Variants in HAUS2 observed in about 807,000 individuals in gnomAD.
HAUS2 encodes the protein HAUS augmin like complex subunit 2.
HAUS2 carries 20 observed loss-of-function variants against 21.6 expected under a neutral mutation model. That is an observed-to-expected ratio of 0.93 (90% CI 0.65 to 1.35). The LOEUF is 1.35. HAUS2 is among the 40% of genes most tolerant of loss of function. The pLI is 0.00. For synonymous variants in HAUS2, 113 were observed against 95.6 expected, an observed-to-expected ratio of 1.18 and a Z score of -1.06; for missense variants, 297 against 280.7, an observed-to-expected ratio of 1.06 and a Z score of -0.42.
At chr15:42,550,768 A>G (rs1408153886) in intron 1 of HAUS2, among the ~76,000 whole-genome samples, 1 of 151,840 alleles carries the variant, frequency 6.6e-6, no homozygotes, top group Non-Finnish European at 1.5e-5. Flanking sequence ...TCCTGGGTTC[A>G]TGCCATTCTC....
At chr15:42,565,751 A>G (rs2057899245) in intron 5 of HAUS2, among the ~76,000 whole-genome samples, 1 of 152,212 alleles carries the variant, frequency 6.6e-6, no homozygotes, top group Admixed American at 6.5e-5. Context: ...ATTCAGATAA[A>G]AGATTTAAAG....
rs995103298 is a variant in HAUS2 at position 42,556,359 on chromosome 15, G to A, written c.94-1839G>A. 1.2e-4 allele frequency among the ~76,000 whole-genome samples: 17 copies of A among 139,230 alleles called. No individual in the cohort carries two copies. In the Middle Eastern group the frequency reaches 0.017, roughly 135 times the overall value. 91.3% of individuals were successfully genotyped at this position (139,230 alleles called of 152,430 possible). A position where few individuals can be genotyped will look rare whatever the true frequency, so the allele number is the denominator to read the frequency against. ...AGCTCACCACAACCTTGTCTCCTAA[G>A]CTCAAGCAATTCTCCTGCCTCAGCC... On this transcript the variant is annotated intron_variant, in intron 1 of 5. Transcript: ENST00000260372.
chr15:42,550,769 T>C (rs1044531101), intron 1 of HAUS2, among the ~76,000 whole-genome samples: 8 of 150,454 alleles, frequency 5.3e-5, no homozygotes, highest in South Asian at 2.1e-4. Flanking sequence ...CCTGGGTTCA[T>C]GCCATTCTCC....
At chr15:42,558,442 C>T (rs1416961857) in intron 2 of HAUS2, 152 bp downstream of exon 2, 5 of 528,468 alleles carry the variant, frequency 9.5e-6, no homozygotes, top group Admixed American at 7.5e-5. Flanking sequence ...GTTCTTCTGC[C>T]TCAGCCTCAT....
intron 4 of HAUS2, among the ~76,000 whole-genome samples, chr15:42,562,591 T>A (rs2057863066): frequency 1.3e-5 from 2 of 152,120 alleles, no homozygotes; most frequent in Non-Finnish European, 2.9e-5. Flanking sequence ...TGAGACTCTG[T>A]CTCAAAACAG....
At position 42,559,352 on chromosome 15, in the gene HAUS2, T is replaced by C. The variant is rs149060624; in HGVS notation, c.200T>C (p.Ile67Thr). The C allele has an allele frequency of 4.3e-5, 69 of 1,601,746 alleles. No homozygotes were observed. The Admixed American group carries it at 9.5e-4, about 22-fold the overall frequency. ...QAEIYQKNLEIELLKLEKDTA... is the reference protein window; with the variant it reads ...QAEIYQKNLETELLKLEKDTA... ...TTCCTCATGTAGAAAAACCTGGAAA[T>C]TGAACTCCTGAAACTAGAAAAAGAT... The change falls in exon 3 of 6, where the codon ATT becomes ACT. Residue 67 changes from isoleucine (I) to threonine (T), a missense_variant. By Grantham distance (89) the Ile-to-Thr change is moderately conservative. Coordinates refer to ENST00000260372, the MANE Select transcript of HAUS2 (RefSeq NM_018097.3).
chr15:42,561,137 C>T (rs973703819), intron 3 of HAUS2, 133 bp from the exon 4 acceptor site: 94 of 596,990 alleles, frequency 1.6e-4, no homozygotes, highest in Non-Finnish European at 2.4e-4. Context: ...GTATTAAAGA[C>T]AGCAAAAAGG....
Position 42,566,852 on chromosome 15 carries a change from A to G in HAUS2, c.*36A>G. Reference sequence around the variant, plus strand: ...TATTTTTGCTTAATTATGTGTAGTCATATGAAGTCTATTTCTAGTTGACTG... The same window carrying G: ...TATTTTTGCTTAATTATGTGTAGTCGTATGAAGTCTATTTCTAGTTGACTG... On this transcript the variant is annotated 3_prime_UTR_variant, in exon 6 of 6. Coordinates refer to ENST00000260372, the MANE Select transcript of HAUS2 (RefSeq NM_018097.3). 2.0e-6 allele frequency: 2 copies of G among 979,816 alleles called. No individual in the cohort carries two copies. Among genetic ancestry groups the G allele is most frequent in the Non-Finnish European group, 1.6e-6 (1 of 610,334 alleles). The allele number at this position is 979,816 out of a possible 1,614,324, so 60.7% of individuals were successfully genotyped here.
intron 1 of HAUS2, among the ~76,000 whole-genome samples, chr15:42,556,051 A>G (rs1043766078): frequency 3.3e-5 from 5 of 151,170 alleles, no homozygotes; most frequent in Admixed American, 2.6e-4. Flanking sequence ...GGTTCAAGCA[A>G]TTCTCCTGCC....
chr15:42,556,435 T>C (rs1285796895), intron 1 of HAUS2, among the ~76,000 whole-genome samples: 2 of 151,412 alleles, frequency 1.3e-5, no homozygotes, highest in Non-Finnish European at 2.9e-5. Context: ...TGGCTAATTT[T>C]TGTATTTTTA....
Position 42,559,396 on chromosome 15 carries a change from C to G in HAUS2, c.244C>G (p.Pro82Ala). 2 of 1,600,636 alleles carry G rather than the reference C, an allele frequency of 1.2e-6. No homozygotes were observed. Among genetic ancestry groups the G allele is most frequent in the Middle Eastern group, 1.7e-4 (1 of 6,040 alleles). ...LEKDTADVVH[P>A]FFLAQKCHTL... ...AAAAGATACAGCAGATGTTGTTCAT[C>G]CTTTCTTTTTGGGTAAGTGGTTTGG... is the stretch of plus-strand genomic sequence containing the variant. Residue 82 changes from proline (P) to alanine (A), a missense_variant, in exon 3 of 6, where the codon CCT becomes GCT. Coordinates refer to ENST00000260372, the MANE Select transcript of HAUS2 (RefSeq NM_018097.3).
chr15:42,550,622 G>A (rs1429216300), intron 1 of HAUS2, among the ~76,000 whole-genome samples: 1 of 152,128 alleles, frequency 6.6e-6, no homozygotes, highest in Non-Finnish European at 1.5e-5. Flanking sequence ...ACTTTACCAG[G>A]AGTGACCACA....
intron 1 of HAUS2, among the ~76,000 whole-genome samples, chr15:42,556,516 C>T (rs1228303267): frequency 2.0e-5 from 3 of 151,822 alleles, no homozygotes; most frequent in African/African-American, 7.3e-5. Context: ...CTACCCACCT[C>T]GGCCTCCAAA....
At chr15:42,564,830 C>T (rs1354825609) in intron 5 of HAUS2, among the ~76,000 whole-genome samples, 5 of 152,064 alleles carry the variant, frequency 3.3e-5, no homozygotes, top group Admixed American at 3.3e-4. Flanking sequence ...TAAGCTGAAT[C>T]TTTATTTATT....
intron 1 of HAUS2, among the ~76,000 whole-genome samples, chr15:42,553,417 A>G (rs1229683869): frequency 2.0e-5 from 3 of 151,912 alleles, no homozygotes; most frequent in South Asian, 4.1e-4. Flanking sequence ...TAATAGCAAT[A>G]TATAGTAACA....
chr15:42,555,065 C>T (rs967161281), intron 1 of HAUS2, among the ~76,000 whole-genome samples: 1 of 151,746 alleles, frequency 6.6e-6, no homozygotes, highest in African/African-American at 2.4e-5. Context: ...TCTCTGCTCA[C>T]TGCAACCTTC....
At chr15:42,555,281 C>T (rs1003521081) in intron 1 of HAUS2, among the ~76,000 whole-genome samples, 6 of 151,824 alleles carry the variant, frequency 4.0e-5, no homozygotes, top group Non-Finnish European at 7.4e-5. Flanking sequence ...CCACGGCGCC[C>T]GGCTGCCTGG....
In HAUS2 at chr15:42,558,147, C is replaced by G. The variant is rs1294553958; in HGVS notation, c.94-51C>G. 3 of 789,952 alleles carry G rather than the reference C, an allele frequency of 3.8e-6. No homozygotes were observed. In the Admixed American group the frequency reaches 6.0e-5, roughly 16 times the overall value. The allele number at this position is 789,952 out of a possible 1,614,324, so 48.9% of individuals were successfully genotyped here. ...CTATGGGCATGCTATTCCAATGTACCTAGAAACTTTTTGTGACATTCTGCT... is the reference window on the plus strand; with the variant it reads ...CTATGGGCATGCTATTCCAATGTACGTAGAAACTTTTTGTGACATTCTGCT... On this transcript the variant is annotated intron_variant, in intron 1 of 5. Transcript: ENST00000260372.
At chr15:42,551,485 A>T (rs1444763452) in intron 1 of HAUS2, among the ~76,000 whole-genome samples, 1 of 152,042 alleles carries the variant, frequency 6.6e-6, no homozygotes, top group Non-Finnish European at 1.5e-5. Context: ...TACTACAAAT[A>T]CAAAAATCAG....
Sources: gnomAD v4.1 joint callset for allele counts (sites outside exome capture counted in the v4.1 genomes callset) on GRCh38, gnomAD v4.1.1 for gene constraint, MANE v1.5 for transcripts, NCBI Gene and HGNC (gene_info 2026-07-23, HGNC 2026-07-21) for gene names.